Variants in NEGR1 observed in about 807,000 individuals in gnomAD.
NEGR1 encodes the protein IgLON family member 4.
Under a neutral mutation model 40.9 loss-of-function variants are expected in NEGR1, and 10 were observed. The observed-to-expected ratio is 0.24, with a 90% CI of 0.15 to 0.42. The LOEUF is 0.42. Among genes scored for constraint, NEGR1 ranks in the 10% least tolerant of loss-of-function variants. The probability of loss-of-function intolerance (pLI) is 1.00; values close to 1 mark genes in which losing one functional copy is unlikely to be tolerated. For missense variants in NEGR1, 352 were observed against 438.9 expected (o/e 0.80, Z 1.77); for synonymous variants, 185 against 166.8 (o/e 1.11, Z -0.84).
chr1:71,930,586 G>A (rs1645846277), intron 2 of NEGR1, among the ~76,000 whole-genome samples: 1 of 152,034 alleles, frequency 6.6e-6, no homozygotes, highest in Admixed American at 6.6e-5. Flanking sequence ...ACATAAAATA[G>A]AATATTAATA....
intron 1 of NEGR1, among the ~76,000 whole-genome samples, chr1:71,974,471 T>C: frequency 6.6e-6 from 1 of 152,142 alleles, no homozygotes. Flanking sequence ...ATTTTGATAA[T>C]AGCATTATTA....
intron 1 of NEGR1, among the ~76,000 whole-genome samples, chr1:72,161,928 G>A (rs1651579488): frequency 6.6e-6 from 1 of 151,658 alleles, no homozygotes. Context: ...CTGACCTCAA[G>A]TGATCCACTT....
chr1:71,489,208 T>C (rs1443401279), intron 6 of NEGR1, among the ~76,000 whole-genome samples: 1 of 151,870 alleles, frequency 6.6e-6, no homozygotes, highest in Non-Finnish European at 1.5e-5. Flanking sequence ...TAATGGCATA[T>C]ATTCAGCGAA....
intron 1 of NEGR1, among the ~76,000 whole-genome samples, chr1:72,163,259 A>T (rs906687478): frequency 6.6e-6 from 1 of 152,154 alleles, no homozygotes; most frequent in Non-Finnish European, 1.5e-5. Context: ...AAGGTCATCA[A>T]TTTAGTAAGT....
chr1:71,541,310 G>A (rs1275619983), intron 6 of NEGR1, among the ~76,000 whole-genome samples: 2 of 151,606 alleles, frequency 1.3e-5, no homozygotes, highest in African/African-American at 2.4e-5. Flanking sequence ...TCTGACCTGG[G>A]TCCACAATTT....
chr1:71,970,510 G>A (rs772938895), intron 1 of NEGR1, among the ~76,000 whole-genome samples: 6 of 151,866 alleles, frequency 4.0e-5, no homozygotes, highest in East Asian at 1.9e-4. Context: ...GGCCAACATG[G>A]TGAAATCCCA....
At chr1:72,120,840 G>A (rs922870483) in intron 1 of NEGR1, among the ~76,000 whole-genome samples, 6 of 151,910 alleles carry the variant, frequency 3.9e-5, no homozygotes, top group African/African-American at 1.2e-4. Context: ...GCAATTTTTA[G>A]TGAATGATAT....
chr1:71,979,954 A>T (rs1323854670), intron 1 of NEGR1, among the ~76,000 whole-genome samples: 1 of 152,186 alleles, frequency 6.6e-6, no homozygotes, highest in East Asian at 1.9e-4. Flanking sequence ...AAAACATTAT[A>T]GTGATAGTGA....
chr1:71,541,728 A>T (rs897616096), intron 6 of NEGR1, among the ~76,000 whole-genome samples: 1 of 151,788 alleles, frequency 6.6e-6, no homozygotes, highest in Non-Finnish European at 1.5e-5. Flanking sequence ...TGTAGCAGCA[A>T]TGCAGCTTTC....
At chr1:71,830,701 A>T (rs903204534) in intron 2 of NEGR1, among the ~76,000 whole-genome samples, 3 of 152,040 alleles carry the variant, frequency 2.0e-5, no homozygotes, top group Non-Finnish European at 4.4e-5. Context: ...CCATTTCATT[A>T]GGATACTACT....
At chr1:71,829,622 A>T (rs1458801563) in intron 2 of NEGR1, among the ~76,000 whole-genome samples, 1 of 151,944 alleles carries the variant, frequency 6.6e-6, no homozygotes, top group Non-Finnish European at 1.5e-5. Context: ...CTCTTTAGTC[A>T]GCTAGGAAAA....
At chr1:71,640,899 A>G (rs1023098678) in intron 4 of NEGR1, among the ~76,000 whole-genome samples, 1 of 151,994 alleles carries the variant, frequency 6.6e-6, no homozygotes, top group Admixed American at 6.6e-5. Flanking sequence ...GACACTGTTG[A>G]GTAAGAACTC....
In NEGR1 at chr1:71,784,178, G is replaced by A. The variant is rs1459798; in HGVS notation, c.410-7881C>T. On this transcript the variant is annotated intron_variant, in intron 2 of 6. Transcript: ENST00000357731. ...TCAGGGATAACCGGATGAGTTTTTC[G>A]TGATTCTGGGATGGGAGAAAGGTTG... 1.8e-3 allele frequency among the ~76,000 whole-genome samples: 277 copies of A among 152,178 alleles called. 5 individuals carry two copies. Among genetic ancestry groups the A allele is most frequent in the Admixed American group, 8.2e-3 (126 of 15,280 alleles).
intron 1 of NEGR1, among the ~76,000 whole-genome samples, chr1:72,039,711 T>A (rs1453504254): frequency 6.6e-6 from 1 of 151,868 alleles, no homozygotes; most frequent in Non-Finnish European, 1.5e-5. Flanking sequence ...GAATATGAGG[T>A]CAAATAATAA....
At chr1:71,522,257 T>G (rs980573880) in intron 6 of NEGR1, among the ~76,000 whole-genome samples, 1 of 152,010 alleles carries the variant, frequency 6.6e-6, no homozygotes, top group Non-Finnish European at 1.5e-5. Flanking sequence ...TAATATATAC[T>G]AGGCAAGGGA....
chr1:71,917,512 C>T (rs186158225), intron 2 of NEGR1, among the ~76,000 whole-genome samples: 75 of 152,072 alleles, frequency 4.9e-4, no homozygotes, highest in African/African-American at 1.5e-3. Flanking sequence ...GTAAGTCGGA[C>T]GGGTGCGGTG....
intron 1 of NEGR1, among the ~76,000 whole-genome samples, chr1:72,232,543 T>C (rs566729480): frequency 1.7e-4 from 26 of 152,318 alleles, no homozygotes; most frequent in African/African-American, 5.1e-4. Context: ...CATAACTTGC[T>C]ATAGTCTGGC....
intron 3 of NEGR1, among the ~76,000 whole-genome samples, chr1:71,743,170 T>G (rs1188447770): frequency 6.6e-6 from 1 of 152,194 alleles, no homozygotes; most frequent in Non-Finnish European, 1.5e-5. Flanking sequence ...AACCACCCAG[T>G]CTATGGCATT....
intron 1 of NEGR1, among the ~76,000 whole-genome samples, chr1:72,120,131 A>C (rs1649741393): frequency 6.6e-6 from 1 of 152,000 alleles, no homozygotes; most frequent in African/African-American, 2.4e-5. Flanking sequence ...GATAACAAAC[A>C]CACAGAGTCT....
Sources: gnomAD v4.1 joint callset for allele counts (sites outside exome capture counted in the v4.1 genomes callset) on GRCh38, gnomAD v4.1.1 for gene constraint, MANE v1.5 for transcripts, NCBI Gene and HGNC (gene_info 2026-07-23, HGNC 2026-07-21) for gene names.